Variants in PARL observed in about 807,000 individuals in gnomAD.
PARL encodes presenilin associated rhomboid like, also known as presenilin-associated rhomboid-like protein, mitochondrial.
A neutral mutation model predicts 51.6 loss-of-function variants in PARL; 44 were observed. The ratio of observed to expected loss-of-function variants is 0.85; its 90% CI spans 0.67 to 1.10. The LOEUF is 1.10. PARL is among the 50% of genes least tolerant of loss of function. The probability of loss-of-function intolerance (pLI) is 0.00; values close to 1 mark genes in which losing one functional copy is unlikely to be tolerated. For synonymous variants in PARL, 172 were observed against 164.0 expected (o/e 1.05, Z -0.37); for missense variants, 441 against 469.5 (o/e 0.94, Z 0.56).
chr3:183,879,989 C>T (rs1734263926), intron 1 of PARL, among the ~76,000 whole-genome samples: 1 of 151,628 alleles, frequency 6.6e-6, no homozygotes, highest in African/African-American at 2.4e-5. Context: ...CCTCGGCCTC[C>T]CAAAGTGCTC....
intron 1 of PARL, among the ~76,000 whole-genome samples, chr3:183,879,994 G>A (rs1041384651): frequency 6.6e-6 from 1 of 150,824 alleles, no homozygotes; most frequent in Admixed American, 6.7e-5. Context: ...GCCTCCCAAA[G>A]TGCTCCCAAA....
chr3:183,884,062 C>T (rs1734846551), intron 1 of PARL, among the ~76,000 whole-genome samples: 1 of 152,204 alleles, frequency 6.6e-6, no homozygotes. Context: ...ACATCAGATT[C>T]TTAAACAGGT....
chr3:183,882,244 TTTA>T (rs1560442181), intron 1 of PARL, among the ~76,000 whole-genome samples: 670 of 19,438 alleles, frequency 0.034, 36 homozygotes, highest in Non-Finnish European at 0.057. Flanking sequence ...TATATATATA[TTTA>T]TATATATATA....
At chr3:183,834,762 T>C (rs1405551826) in intron 7 of PARL, among the ~76,000 whole-genome samples, 1 of 151,608 alleles carries the variant, frequency 6.6e-6, no homozygotes, top group Non-Finnish European at 1.5e-5. Flanking sequence ...TACATGGGGC[T>C]GGGTGCAGTG....
chr3:183,855,448 A>G (rs1731039959), intron 4 of PARL, among the ~76,000 whole-genome samples: 1 of 152,120 alleles, frequency 6.6e-6, no homozygotes, highest in African/African-American at 2.4e-5. Context: ...AGCCAACTGC[A>G]CATTTTAAAT....
intron 1 of PARL, among the ~76,000 whole-genome samples, chr3:183,873,555 A>G (rs1480945196): frequency 1.3e-5 from 2 of 152,104 alleles, no homozygotes; most frequent in African/African-American, 4.8e-5. Flanking sequence ...TCTCAAAAAA[A>G]AAAAAATTAA....
At chr3:183,869,883 A>G (rs968347138) in intron 1 of PARL, among the ~76,000 whole-genome samples, 7 of 152,098 alleles carry the variant, frequency 4.6e-5, no homozygotes, top group Admixed American at 2.6e-4. Context: ...TAAAACCAAT[A>G]TATTCAAAAT....
intron 3 of PARL, among the ~76,000 whole-genome samples, chr3:183,864,422 T>G (rs190131439): frequency 5.9e-5 from 9 of 151,672 alleles, no homozygotes; most frequent in Admixed American, 2.6e-4. Flanking sequence ...GAAAACCAAA[T>G]GGGCCTGAAA....
intron 7 of PARL, among the ~76,000 whole-genome samples, chr3:183,835,007 C>G (rs543779860): frequency 6.6e-6 from 1 of 151,526 alleles, no homozygotes. Context: ...TGCAGTGAGC[C>G]GAGATTGTCC....
At chr3:183,882,222 A>AATATAT (rs1235101986) in intron 1 of PARL, among the ~76,000 whole-genome samples, 2 of 46,104 alleles carry the variant, frequency 4.3e-5, no homozygotes, top group African/African-American at 1.6e-4. Flanking sequence ...AAAAAAAAAA[A>AATATAT]ATATATATAT....
chr3:183,838,840 G>A (rs902552637), intron 7 of PARL, among the ~76,000 whole-genome samples: 2 of 152,112 alleles, frequency 1.3e-5, no homozygotes, highest in African/African-American at 4.8e-5. Context: ...AAATGCCCTC[G>A]CAGGTCCTTT....
chr3:183,845,679 G>A (rs1342754954), intron 4 of PARL, among the ~76,000 whole-genome samples: 1 of 152,234 alleles, frequency 6.6e-6, no homozygotes, highest in Non-Finnish European at 1.5e-5. Context: ...CTCCCAATGT[G>A]GAGCCTGGAA....
intron 4 of PARL, among the ~76,000 whole-genome samples, chr3:183,848,673 C>T (rs894448542): frequency 6.6e-6 from 1 of 152,196 alleles, no homozygotes; most frequent in Non-Finnish European, 1.5e-5. Flanking sequence ...AACCCACTTT[C>T]AGGGCTGTCT....
intron 1 of PARL, among the ~76,000 whole-genome samples, chr3:183,876,986 C>A (rs942279895): frequency 1.5e-4 from 23 of 152,076 alleles, no homozygotes; most frequent in African/African-American, 3.1e-4. Context: ...CCGAGGCGGG[C>A]GGATCACCTG....
At position 183,866,771 on chromosome 3, in the gene PARL, T is replaced by C. The variant is rs780103817; in HGVS notation, c.322-6A>G. 4.5e-6 allele frequency: 7 copies of C among 1,562,744 alleles called. No individual in the cohort carries two copies. The South Asian group carries it at 7.8e-5, about 17-fold the overall frequency. On this transcript the variant is annotated splice_polypyrimidine_tract_variant and splice_region_variant and intron_variant, in intron 2 of 9. Transcript: ENST00000317096. The stretch of plus-strand genomic sequence containing the variant: ...CCAAATGCACAGCCTGTAAACTATA[T>C]AAAATTAGATATATTACAAAATAGA...
chr3:183,856,048 G>A (rs34113436), intron 4 of PARL, among the ~76,000 whole-genome samples: 40,142 of 151,664 alleles, frequency 0.26, 5,523 homozygotes, highest in East Asian at 0.53. Context: ...TCTGCAGCCC[G>A]GTTCTGGTAC....
intron 4 of PARL, among the ~76,000 whole-genome samples, chr3:183,845,245 A>C (rs1729810005): frequency 6.6e-6 from 1 of 151,818 alleles, no homozygotes; most frequent in South Asian, 2.1e-4. Flanking sequence ...CAGCTGATCT[A>C]CATCTCGGTG....
At position 183,851,902 on chromosome 3, in the gene PARL, G is replaced by A. The variant is rs191838813; in HGVS notation, c.512-7576C>T. Among the ~76,000 whole-genome samples, 415 of 152,330 alleles carry A rather than the reference G, an allele frequency of 2.7e-3. 5 individuals carry two copies. Among genetic ancestry groups the A allele is most frequent in the African/African-American group, 9.5e-3 (395 of 41,564 alleles). ...AGGCCAGGCATGGTGGCTCACACCT[G>A]TAATCCCAGCACTTTGGGAGGCCGG... On this transcript the variant is annotated intron_variant, in intron 4 of 9. Coordinates refer to ENST00000317096, the MANE Select transcript of PARL (RefSeq NM_018622.7).
chr3:183,836,247 A>G (rs1051924857), intron 7 of PARL, among the ~76,000 whole-genome samples: 1 of 146,638 alleles, frequency 6.8e-6, no homozygotes, highest in African/African-American at 2.5e-5. Flanking sequence ...AAAAAAAAAA[A>G]TTCTATGAAG....
Sources: allele counts gnomAD v4.1 joint callset (sites outside exome capture counted in the v4.1 genomes callset), GRCh38; gene constraint gnomAD v4.1.1; transcripts MANE v1.5; gene names NCBI Gene and HGNC (gene_info 2026-07-23, HGNC 2026-07-21).